Variants in ARHGAP24 observed in about 807,000 individuals in gnomAD.
The protein encoded by ARHGAP24 is rho GTPase-activating protein 24.
Under a neutral mutation model 76.4 loss-of-function variants are expected in ARHGAP24, and 50 were observed. The ratio of observed to expected loss-of-function variants is 0.65; its 90% confidence interval spans 0.52 to 0.83. The LOEUF is 0.83. Among genes scored for constraint, ARHGAP24 ranks in the 40% least tolerant of loss-of-function variants. The probability of loss-of-function intolerance (pLI) is 0.00; values close to 1 mark genes in which losing one functional copy is unlikely to be tolerated. For missense variants in ARHGAP24, 930 were observed against 914.2 expected (o/e 1.02, Z -0.22); for synonymous variants, 345 against 323.3 (o/e 1.07, Z -0.72).
intron 3 of ARHGAP24, among the ~76,000 whole-genome samples, chr4:85,815,842 C>T (rs956734287): frequency 3.3e-5 from 5 of 152,090 alleles, no homozygotes; most frequent in African/African-American, 1.2e-4. Context: ...AAGACATACC[C>T]GAGACTAGGC....
intron 2 of ARHGAP24, among the ~76,000 whole-genome samples, chr4:85,575,399 T>C (rs145015229): frequency 6.6e-6 from 1 of 152,234 alleles, no homozygotes; most frequent in Non-Finnish European, 1.5e-5. Flanking sequence ...TTAAGTAATA[T>C]CTTTTGTATT....
chr4:85,717,381 A>G (rs1007136829), intron 2 of ARHGAP24, among the ~76,000 whole-genome samples: 2 of 152,120 alleles, frequency 1.3e-5, no homozygotes, highest in Admixed American at 6.6e-5. Context: ...TATCAAATTA[A>G]TTGCTTTATG....
intron 1 of ARHGAP24, among the ~76,000 whole-genome samples, chr4:85,519,379 G>C (rs914738436): frequency 2.0e-5 from 3 of 152,064 alleles, no homozygotes; most frequent in Non-Finnish European, 4.4e-5. Context: ...CATTGATTTT[G>C]GACCCAGGAC....
At chr4:85,561,663 C>T (rs1373126920) in intron 1 of ARHGAP24, among the ~76,000 whole-genome samples, 2 of 152,134 alleles carry the variant, frequency 1.3e-5, no homozygotes, top group African/African-American at 4.8e-5. Flanking sequence ...GAATCTTTAG[C>T]TATCTGGTAT....
At chr4:85,763,191 A>G (rs142238130) in intron 3 of ARHGAP24, among the ~76,000 whole-genome samples, 120 of 152,346 alleles carry the variant, frequency 7.9e-4, no homozygotes, top group African/African-American at 2.9e-3. Flanking sequence ...CATGAAATAT[A>G]GCAATCATTT....
Position 85,811,517 on chromosome 4 carries a change from C to T in ARHGAP24, c.268+89545C>T, listed in dbSNP as rs549378134. ...TCCACTGCCGCTTACATTCATGATA[C>T]CTCATTTCTATGACACAATTTCTAA... On this transcript the variant is annotated intron_variant, in intron 3 of 9. Coordinates refer to ENST00000395184, the MANE Select transcript of ARHGAP24 (RefSeq NM_001025616.3). Among the ~76,000 whole-genome samples, 20 of 152,270 alleles carry T rather than the reference C, an allele frequency of 1.3e-4. No individual in the cohort carries two copies. In the South Asian group the frequency reaches 3.9e-3, roughly 30 times the overall value.
At chr4:85,982,916 C>T (rs1739757205) in intron 8 of ARHGAP24, among the ~76,000 whole-genome samples, 1 of 152,080 alleles carries the variant, frequency 6.6e-6, no homozygotes, top group Non-Finnish European at 1.5e-5. Context: ...CTGATGTTTT[C>T]CCTTCCCCCC....
chr4:85,711,873 A>G (rs1724538406), intron 2 of ARHGAP24, among the ~76,000 whole-genome samples: 2 of 152,050 alleles, frequency 1.3e-5, no homozygotes, highest in African/African-American at 2.4e-5. Flanking sequence ...TTTATCATCA[A>G]TTTTCTGGTC....
intron 2 of ARHGAP24, among the ~76,000 whole-genome samples, chr4:85,718,708 AACT>A (rs1045115048): frequency 2.6e-4 from 39 of 152,246 alleles, no homozygotes; most frequent in African/African-American, 9.1e-4. Flanking sequence ...TTGATATTTA[AACT>A]ACTATTTTTA....
At chr4:85,980,652 T>C (rs952616194) in intron 8 of ARHGAP24, among the ~76,000 whole-genome samples, 1 of 152,256 alleles carries the variant, frequency 6.6e-6, no homozygotes, top group South Asian at 2.1e-4. Context: ...TTTGGAGATA[T>C]GTATGTAAAT....
intron 1 of ARHGAP24, among the ~76,000 whole-genome samples, chr4:85,496,346 T>C (rs1723583621): frequency 6.6e-6 from 1 of 152,250 alleles, no homozygotes; most frequent in African/African-American, 2.4e-5. Flanking sequence ...GCTTGTGAGT[T>C]TTACCATAGG....
intron 1 of ARHGAP24, among the ~76,000 whole-genome samples, chr4:85,560,851 T>G (rs1350556597): frequency 6.6e-6 from 1 of 152,162 alleles, no homozygotes; most frequent in Non-Finnish European, 1.5e-5. Flanking sequence ...AAGAGAGAAT[T>G]GGTCATGATG....
intron 3 of ARHGAP24, among the ~76,000 whole-genome samples, chr4:85,812,081 CAG>C (rs1729039595): frequency 6.6e-6 from 1 of 152,072 alleles, no homozygotes; most frequent in African/African-American, 2.4e-5. Flanking sequence ...GAGGCTGAGA[CAG>C]GAGAATTGCT....
intron 3 of ARHGAP24, among the ~76,000 whole-genome samples, chr4:85,761,405 TA>T (rs1300051634): frequency 6.6e-6 from 1 of 152,214 alleles, no homozygotes; most frequent in Admixed American, 6.5e-5. Flanking sequence ...GGCATCCACC[TA>T]AAAGAGTCCA....
chr4:85,553,286 G>A (rs757179968), intron 1 of ARHGAP24, among the ~76,000 whole-genome samples: 7 of 152,108 alleles, frequency 4.6e-5, no homozygotes, highest in South Asian at 2.1e-4. Flanking sequence ...GCAGGGAAGG[G>A]GACCCGCAGT....
chr4:85,726,692 C>T (rs77014574), intron 3 of ARHGAP24, among the ~76,000 whole-genome samples: 5,203 of 152,232 alleles, frequency 0.034, 271 homozygotes, highest in African/African-American at 0.12. Flanking sequence ...ACTACAGTAT[C>T]CGTTATAATG....
chr4:85,553,743 C>T lies in ARHGAP24; in HGVS notation c.-20-16779C>T, dbSNP rs150071639. Among the ~76,000 whole-genome samples the T allele has an allele frequency of 1.2e-3, 186 of 152,308 alleles. 1 individual carries two copies. Among genetic ancestry groups the T allele is most frequent in the Non-Finnish European group, 1.5e-3 (100 of 68,026 alleles). On this transcript the variant is annotated intron_variant, in intron 1 of 9. Coordinates refer to ENST00000395184, the MANE Select transcript of ARHGAP24 (RefSeq NM_001025616.3). ...GATGAGTCTCTAGAAGACAGCATAC[C>T]ATTGGGTCTTGCTTCTTTATCCAGC...
intron 3 of ARHGAP24, among the ~76,000 whole-genome samples, chr4:85,862,628 C>G (rs1478031125): frequency 6.6e-6 from 1 of 152,076 alleles, no homozygotes; most frequent in Admixed American, 6.6e-5. Flanking sequence ...AGCCTTCTCC[C>G]TTGATATGCA....
intron 3 of ARHGAP24, among the ~76,000 whole-genome samples, chr4:85,854,151 A>AAG (rs1731420561): frequency 6.6e-6 from 1 of 151,248 alleles, no homozygotes; most frequent in African/African-American, 2.4e-5. Context: ...AAAAAAAAAA[A>AAG]AAAAGAAAAA....
Sources: allele counts gnomAD v4.1 joint callset (sites outside exome capture counted in the v4.1 genomes callset), GRCh38; gene constraint gnomAD v4.1.1; transcripts MANE v1.5; gene names NCBI Gene and HGNC (gene_info 2026-07-23, HGNC 2026-07-21).